TIAM2: variants seen among roughly 807,000 people sequenced by gnomAD.
TIAM2 encodes the protein rho guanine nucleotide exchange factor TIAM2.
Under a neutral mutation model 152.9 loss-of-function variants are expected in TIAM2, and 80 were observed. That is an observed-to-expected ratio of 0.52 (90% confidence interval 0.44 to 0.63). The LOEUF (loss-of-function observed/expected upper bound fraction) is 0.63. Ranked by LOEUF, TIAM2 falls within the 30% of genes least tolerant of loss-of-function variation. TIAM2 has a pLI of 0.00. For missense variants in TIAM2, 1,965 were observed against 2,120.1 expected (o/e 0.93, Z 1.44); for synonymous variants, 804 against 838.0 (o/e 0.96, Z 0.70).
chr6:155,249,447 C>T (rs779362569), intron 20 of TIAM2, among the ~76,000 whole-genome samples: 1 of 152,192 alleles, frequency 6.6e-6, no homozygotes, highest in Non-Finnish European at 1.5e-5. Context: ...CTCTCTGGAA[C>T]TCTGGCAGAA....
intron 1 of TIAM2, among the ~76,000 whole-genome samples, chr6:155,006,258 A>G (rs1335275682): frequency 7.2e-5 from 11 of 152,018 alleles, no homozygotes; most frequent in Non-Finnish European, 1.6e-4. Context: ...TGCTGCCCAC[A>G]CTCTAGTGGT....
chr6:155,172,686 A>ATTTTTTTT (rs113165280), intron 9 of TIAM2, among the ~76,000 whole-genome samples: 15 of 19,628 alleles, frequency 7.6e-4, no homozygotes, highest in East Asian at 2.7e-3. Context: ...ATATATATAT[A>ATTTTTTTT]TTTTTTTTTT....
intron 1 of TIAM2, among the ~76,000 whole-genome samples, chr6:155,042,068 G>C (rs1168327063): frequency 6.6e-6 from 1 of 151,720 alleles, no homozygotes; most frequent in Non-Finnish European, 1.5e-5. Context: ...TTATGGGAGA[G>C]GAAAGCCTTT....
chr6:155,256,373 A>G (rs1224207129), intron 26 of TIAM2, 111 bp from the exon 27 acceptor site: 5 of 1,478,552 alleles, frequency 3.4e-6, no homozygotes, highest in East Asian at 4.7e-5. Flanking sequence ...AACTGAAGTC[A>G]TATCATAAAA....
chr6:155,239,443 G>A lies in TIAM2; in HGVS notation c.3169-1087G>A, dbSNP rs1201879340. On this transcript the variant is annotated intron_variant, in intron 15 of 26. Transcript: ENST00000682666. ...TTCCAGATGGGGAGGTGGTGAAGTG[G>A]GGTGGAGATGTGAGGGTGGAATGGA... Among the ~76,000 whole-genome samples the A allele has an allele frequency of 2.0e-5, 3 of 152,222 alleles. No homozygotes were observed. The East Asian group carries it at 5.8e-4, about 29-fold the overall frequency.
chr6:155,221,289 G>A (rs576579420), intron 15 of TIAM2, among the ~76,000 whole-genome samples: 2 of 152,220 alleles, frequency 1.3e-5, no homozygotes, highest in East Asian at 3.9e-4. Flanking sequence ...CTGTCAGGTG[G>A]AATGCTGGCT....
intron 1 of TIAM2, among the ~76,000 whole-genome samples, chr6:155,018,658 T>C (rs1583152518): frequency 1.6e-5 from 1 of 62,338 alleles, no homozygotes; most frequent in Non-Finnish European, 3.0e-5. Flanking sequence ...CATTTCTCTC[T>C]CCCTTTCCCT....
intron 2 of TIAM2, among the ~76,000 whole-genome samples, chr6:155,095,362 G>A (rs1201795568): frequency 6.6e-6 from 1 of 152,242 alleles, no homozygotes; most frequent in African/African-American, 2.4e-5. Context: ...TCATTGTGAA[G>A]AACTTGGCTG....
chr6:155,211,159 T>C, intron 14 of TIAM2, 45 bp from the exon 15 acceptor site: 1 of 1,573,122 alleles, frequency 6.4e-7, no homozygotes, highest in South Asian at 1.1e-5. Context: ...TATTATTCTC[T>C]GCAAATGGCC....
At chr6:155,195,857 T>C (rs796195356) in intron 14 of TIAM2, among the ~76,000 whole-genome samples, 2 of 152,232 alleles carry the variant, frequency 1.3e-5, no homozygotes, top group African/African-American at 4.8e-5. Context: ...TGGCCTGTTT[T>C]TCGGCAGGTG....
intron 15 of TIAM2, among the ~76,000 whole-genome samples, chr6:155,219,965 G>C (rs757610145): frequency 6.6e-6 from 1 of 152,248 alleles, no homozygotes; most frequent in Non-Finnish European, 1.5e-5. Flanking sequence ...TGGAGAGCTT[G>C]TCCTGTAGAG....
intron 16 of TIAM2, among the ~76,000 whole-genome samples, chr6:155,241,406 G>A (rs778403598): frequency 9.9e-5 from 15 of 152,142 alleles, no homozygotes; most frequent in Non-Finnish European, 1.6e-4. Flanking sequence ...GGCACGGTGC[G>A]GTGGGCTGAG....
intron 1 of TIAM2, among the ~76,000 whole-genome samples, chr6:155,010,580 C>T (rs1022171192): frequency 1.3e-5 from 2 of 152,136 alleles, no homozygotes; most frequent in South Asian, 2.1e-4. Context: ...CTCAGCCTCC[C>T]GAGTAGCTGG....
intron 9 of TIAM2, among the ~76,000 whole-genome samples, chr6:155,171,179 A>G (rs1465207105): frequency 6.6e-6 from 1 of 152,230 alleles, no homozygotes; most frequent in Non-Finnish European, 1.5e-5. Flanking sequence ...ACTCTAATTG[A>G]TGCATCATAT....
Position 155,256,533 on chromosome 6 carries a change from G to A in TIAM2, c.4518G>A (p.Trp1506Ter). Residue 1506 changes from tryptophan to a stop codon, truncating the protein, a stop_gained, in exon 27 of 27, where the codon TGG becomes TGA. Transcript: ENST00000682666. LOFTEE classifies it low-confidence loss of function (END_TRUNC). ...KVLKNSSSNE[W>*]TGETGKGTLL... The stretch of plus-strand genomic sequence containing the variant: ...TGAAGAATTCCTCCAGCAACGAGTG[G>A]ACCGGTGAGACTGGCAAGGGAACCT... The A allele has an allele frequency of 6.2e-7, 1 of 1,614,174 alleles. No homozygotes were observed. Among genetic ancestry groups the A allele is most frequent in the Non-Finnish European group, 8.5e-7 (1 of 1,180,034 alleles).
At chr6:155,160,546 G>A (rs1018073054) in intron 7 of TIAM2, among the ~76,000 whole-genome samples, 7 of 152,064 alleles carry the variant, frequency 4.6e-5, no homozygotes, top group African/African-American at 1.7e-4. Flanking sequence ...CGGGTGGATC[G>A]CTTTGAACTC....
chr6:155,158,848 T>C (rs915814146), intron 7 of TIAM2, among the ~76,000 whole-genome samples: 17 of 151,966 alleles, frequency 1.1e-4, no homozygotes, highest in African/African-American at 3.9e-4. Flanking sequence ...TAGAAACTTA[T>C]CAGTATTTAA....
Position 155,129,638 on chromosome 6 carries a change from A to C in TIAM2, c.415A>C (p.Asn139His), listed in dbSNP as rs1004265027. ...TSRDCNGHLL[N>H]CYGRNESIAS... ...CAGAGACTGCAACGGACACCTTCTC[A>C]ACTGCTACGGGAGGAATGAGAGCAT... Residue 139 changes from asparagine (N) to histidine (H), a missense_variant, in exon 4 of 27, where the codon AAC (asparagine) becomes CAC (histidine). Coordinates refer to ENST00000682666, the MANE Select transcript of TIAM2 (RefSeq NM_012454.4). This position sits in a 1 kb window ranked among gnomAD's most constrained non-coding sequence, Gnocchi z 4.8. The C allele has an allele frequency of 8.7e-6, 14 of 1,613,974 alleles. No homozygotes were observed. Among genetic ancestry groups the C allele is most frequent in the Non-Finnish European group, 1.2e-5 (14 of 1,180,016 alleles).
chr6:155,168,899 T>C (rs921433449), intron 9 of TIAM2: 27 of 1,535,348 alleles, frequency 1.8e-5, no homozygotes, highest in Non-Finnish European at 2.4e-5. Flanking sequence ...ACCTCAAAAC[T>C]CCAGTAACTC....
Sources: allele counts gnomAD v4.1 joint callset (sites outside exome capture counted in the v4.1 genomes callset), GRCh38; gene constraint gnomAD v4.1.1; non-coding constraint Gnocchi (gnomAD v3.1); transcripts MANE v1.5; gene names NCBI Gene and HGNC (gene_info 2026-07-23, HGNC 2026-07-21).